The following ERG variants were observed in gnomAD, a reference collection of about 807,000 sequenced individuals.
The protein encoded by ERG is ETS transcription factor ERG.
In ERG, 9 loss-of-function variants were observed where a neutral mutation model predicts 55.3. The ratio of observed to expected loss-of-function variants is 0.16; its 90% CI spans 0.10 to 0.28. The LOEUF is 0.28. ERG is among the 10% of genes least tolerant of loss of function. The probability of loss-of-function intolerance (pLI) is 1.00; values close to 1 mark genes in which losing one functional copy is unlikely to be tolerated. For missense variants in ERG, 434 were observed against 631.6 expected, an observed-to-expected ratio of 0.69 and a Z score of 3.35; for synonymous variants, 223 against 237.3, an observed-to-expected ratio of 0.94 and a Z score of 0.55.
chr21:38,450,350 C>G (rs961938362), intron 1 of ERG, among the ~76,000 whole-genome samples: 1 of 151,744 alleles, frequency 6.6e-6, no homozygotes, highest in Non-Finnish European at 1.5e-5. Flanking sequence ...TGCACTCCAG[C>G]CGAGGTGACA....
chr21:38,389,129 C>A (rs1478507592), intron 9 of ERG, among the ~76,000 whole-genome samples: 1 of 152,206 alleles, frequency 6.6e-6, no homozygotes, highest in Non-Finnish European at 1.5e-5. Flanking sequence ...TCTATTCTCA[C>A]AGTCCGCATT....
intron 3 of ERG, among the ~76,000 whole-genome samples, chr21:38,404,710 A>G (rs567738803): frequency 5.3e-5 from 8 of 152,332 alleles, no homozygotes; most frequent in Admixed American, 3.9e-4. Flanking sequence ...TCCCACCTGT[A>G]AACTAAGAGC....
intron 2 of ERG, among the ~76,000 whole-genome samples, chr21:38,543,323 T>TA (rs2059765896): frequency 6.6e-6 from 1 of 151,116 alleles, no homozygotes; most frequent in Non-Finnish European, 1.5e-5. Flanking sequence ...CCAATATCCC[T>TA]ACTGATGCAT....
chr21:38,508,050 T>TGCACACAGACACACAG (rs2059482525), intron 2 of ERG, among the ~76,000 whole-genome samples: 1 of 560 alleles, frequency 1.8e-3, no homozygotes, highest in Non-Finnish European at 5.0e-3. Flanking sequence ...CAGACACATA[T>TGCACACAGACACACAG]AAACACACAT....
intron 2 of ERG, among the ~76,000 whole-genome samples, chr21:38,506,229 T>C (rs2059459745): frequency 6.6e-6 from 1 of 152,186 alleles, no homozygotes; most frequent in African/African-American, 2.4e-5. Context: ...ACAATAATTT[T>C]AGATTGTTCA....
chr21:38,371,996 T>G, the ERG span, among the ~76,000 whole-genome samples: 1 of 152,108 alleles, frequency 6.6e-6, no homozygotes. Context: ...TGGGAAAAGC[T>G]ATGACTATGA....
chr21:38,460,489 T>G lies in ERG; in HGVS notation c.19-14868A>C, dbSNP rs545223010. 2.0e-5 allele frequency among the ~76,000 whole-genome samples: 3 copies of G among 152,352 alleles called. No homozygotes were observed. Among genetic ancestry groups the G allele is most frequent in the African/African-American group, 7.2e-5 (3 of 41,582 alleles). ...GAATGCATATATTGCATATGCCATG[T>G]GTACACCAAAAGCCACACCTAATAA... is the stretch of plus-strand genomic sequence containing the variant. On this transcript the variant is annotated intron_variant, in intron 1 of 9. Transcript: ENST00000288319. This position sits in a 1 kb window ranked among gnomAD's most constrained non-coding sequence, Gnocchi z 5.0.
chr21:38,537,441 A>T (rs76094468), intron 2 of ERG, among the ~76,000 whole-genome samples: 1,290 of 52,194 alleles, frequency 0.025, 7 homozygotes, highest in African/African-American at 0.041. Context: ...CAGAAAAAAA[A>T]ATATATATAT....
intron 1 of ERG, among the ~76,000 whole-genome samples, chr21:38,605,434 T>C (rs909449316): frequency 1.3e-5 from 2 of 152,074 alleles, no homozygotes; most frequent in African/African-American, 4.8e-5. Flanking sequence ...GTTGAAATGC[T>C]AGAGAAAATC....
chr21:38,479,145 C>A (rs765723540), intron 1 of ERG, among the ~76,000 whole-genome samples: 1 of 152,174 alleles, frequency 6.6e-6, no homozygotes, highest in Non-Finnish European at 1.5e-5. Context: ...TGGTTAATAT[C>A]CATGCTATAA....
chr21:38,486,069 G>T (rs1382628168), intron 1 of ERG, among the ~76,000 whole-genome samples: 1 of 151,872 alleles, frequency 6.6e-6, no homozygotes, highest in Non-Finnish European at 1.5e-5. Context: ...GAGTAGCTGG[G>T]ACTACAGGTG....
At position 38,659,015 on chromosome 21, in the gene ERG, T is replaced by A. The variant is rs1463928357; in HGVS notation, c.-150+2643A>T. Among the ~76,000 whole-genome samples, 13 of 152,330 alleles carry A rather than the reference T, an allele frequency of 8.5e-5. No homozygotes were observed. The South Asian group carries it at 1.2e-3, about 15-fold the overall frequency. On this transcript the variant is annotated intron_variant, in intron 1 of 10. Transcript: ENST00000398910. Reference sequence around the variant, plus strand: ...ACTACAATTCTACTCTAAATTTTTTTAAATAGAATGAAGTAATTATAAAAT... The same window carrying A: ...ACTACAATTCTACTCTAAATTTTTTAAAATAGAATGAAGTAATTATAAAAT...
chr21:38,397,065 G>A (rs141914142), intron 6 of ERG, among the ~76,000 whole-genome samples: 10 of 152,246 alleles, frequency 6.6e-5, no homozygotes, highest in South Asian at 6.2e-4. Context: ...TCAGGAAAAC[G>A]TGGGAAAATA....
intron 3 of ERG, among the ~76,000 whole-genome samples, chr21:38,418,139 T>C (rs888219600): frequency 6.6e-6 from 1 of 152,222 alleles, no homozygotes; most frequent in Non-Finnish European, 1.5e-5. Context: ...TTCAAGTCTA[T>C]TAAAGTAAAA....
rs559003350 is a variant in ERG, at chr21:38,653,678, G to A, written c.-150+7980C>T. Among the ~76,000 whole-genome samples, 14 of 152,250 alleles carry A rather than the reference G, an allele frequency of 9.2e-5. No homozygotes were observed. The South Asian group carries it at 2.5e-3, about 27-fold the overall frequency. On this transcript the variant is annotated intron_variant, in intron 1 of 10. Transcript: ENST00000398910. ...CAGTCAGACAGACAGGTGGATAGGCGGGCTCCATAGCGGAATGTTCTGGCT... is the reference window on the plus strand; with the variant it reads ...CAGTCAGACAGACAGGTGGATAGGCAGGCTCCATAGCGGAATGTTCTGGCT...
At chr21:38,414,110 T>C (rs1167494711) in intron 3 of ERG, among the ~76,000 whole-genome samples, 2 of 152,218 alleles carry the variant, frequency 1.3e-5, no homozygotes, top group African/African-American at 4.8e-5. Context: ...GGATAAAATC[T>C]GTCCTTGGCT....
At chr21:38,554,994 A>C (rs2059849179) in intron 2 of ERG, among the ~76,000 whole-genome samples, 1 of 152,160 alleles carries the variant, frequency 6.6e-6, no homozygotes, top group Admixed American at 6.5e-5. Flanking sequence ...GGATGAACTA[A>C]AGAATTCACA....
chr21:38,473,596 C>A (rs1181270289), intron 1 of ERG, among the ~76,000 whole-genome samples: 1 of 152,102 alleles, frequency 6.6e-6, no homozygotes, highest in Non-Finnish European at 1.5e-5. Context: ...GATGCATTTA[C>A]AAATCCTAGG....
Position 38,402,541 on chromosome 21 carries a change from G to A in ERG, c.673+16C>T. 6.2e-7 allele frequency: 1 copy of A among 1,603,694 alleles called. No homozygotes were observed. Among genetic ancestry groups the A allele is most frequent in the Middle Eastern group, 1.7e-4 (1 of 6,048 alleles). On this transcript the variant is annotated intron_variant, in intron 5 of 9. Coordinates refer to ENST00000288319, the MANE Select transcript of ERG (RefSeq NM_182918.4). ...CCTACGCTCTTGCTGGGAGGCAGGG[G>A]CGGGGCCAGCATTACCTGTGTTTCT... is the stretch of plus-strand genomic sequence containing the variant.
Sources: gnomAD v4.1 joint callset for allele counts (sites outside exome capture counted in the v4.1 genomes callset) on GRCh38, gnomAD v4.1.1 for gene constraint, Gnocchi (gnomAD v3.1) non-coding constraint, MANE v1.5 for transcripts, NCBI Gene and HGNC (gene_info 2026-07-23, HGNC 2026-07-21) for gene names.